Variants in PSG4 observed in about 807,000 individuals in gnomAD.
PSG4 encodes pregnancy-specific beta-1-glycoprotein 4.
Under a neutral mutation model 44.3 loss-of-function variants are expected in PSG4, and 61 were observed. That is an observed-to-expected ratio of 1.38 (90% CI 1.12 to 1.70). The LOEUF (loss-of-function observed/expected upper bound fraction) is 1.70. Among genes scored for constraint, PSG4 ranks in the 40% most tolerant of loss-of-function variants. The pLI is 0.00. For synonymous variants in PSG4, 248 were observed against 191.3 expected, an observed-to-expected ratio of 1.30 and a Z score of -2.45; for missense variants, 677 against 511.7, an observed-to-expected ratio of 1.32 and a Z score of -3.12.
rs528483691 is a variant in PSG4, at chr19:43,198,129, A to G, written c.577T>C (p.Leu193=). Residue 193 remains leucine, a synonymous_variant, in exon 3 of 6, where the codon TTG becomes CTG. Transcript: ENST00000405312. ...GTCCTGTTGGTTTTGGACAGCTGCAACCTGTGAGTCATAGGGAGGCTCTGA... is the reference window on the plus strand; with the variant it reads ...GTCCTGTTGGTTTTGGACAGCTGCAGCCTGTGAGTCATAGGGAGGCTCTGA... The part of the protein sequence containing the change: ...NGQSLPMTHR[L]QLSKTNRTLF... The G allele has an allele frequency of 2.5e-6, 4 of 1,587,592 alleles. No homozygotes were observed. In the African/African-American group the frequency reaches 5.8e-5, roughly 23 times the overall value.
rs1227211069 is a variant in PSG4, at chr19:43,201,054, T to A, written c.431-2779A>T. On this transcript the variant is annotated intron_variant, in intron 2 of 5. Coordinates refer to ENST00000405312, the MANE Select transcript of PSG4 (RefSeq NM_002780.5). ...ATACAGGAGAAATGAGTCCATGTGCTTTGGGGACTGCAGGCCTGTCCAGCC... is the reference window on the plus strand; with the variant it reads ...ATACAGGAGAAATGAGTCCATGTGCATTGGGGACTGCAGGCCTGTCCAGCC... Among the ~76,000 whole-genome samples the A allele has an allele frequency of 2.7e-5, 4 of 145,528 alleles. 1 individual carries two copies. Among genetic ancestry groups the A allele is most frequent in the African/African-American group, 7.9e-5 (3 of 37,964 alleles).
Position 43,198,217 on chromosome 19 carries a change from C to T in PSG4, c.489G>A (p.Glu163=). The T allele has an allele frequency of 6.3e-7, 1 of 1,587,484 alleles. No individual in the cohort carries two copies. Among genetic ancestry groups the T allele is most frequent in the Non-Finnish European group, 8.5e-7 (1 of 1,171,764 alleles). ...CAGGATCACAGGTTAAGATCACAGC[C>T]TCCATGGCCTCCCTGGGATTTAAGT... ...SSNLNPREAM[E]AVILTCDPAT... Residue 163 remains glutamate, a synonymous_variant, in exon 3 of 6, where the codon GAG becomes GAA. Coordinates refer to ENST00000405312, the MANE Select transcript of PSG4 (RefSeq NM_002780.5).
chr19:43,193,728 C>T, intron 5 of PSG4: 1 of 539,768 alleles, frequency 1.9e-6, no homozygotes, highest in Non-Finnish European at 3.3e-6. Flanking sequence ...ACTTTGCCTG[C>T]AGTTCATATT....
Position 43,197,944 on chromosome 19 carries a change from C to G in PSG4, c.709+53G>C. 1.3e-6 allele frequency: 2 copies of G among 1,565,454 alleles called. 1 individual carries two copies. The highest frequency in any genetic ancestry group is 3.1e-5 in the African/African-American group (2 of 63,762). On this transcript the variant is annotated intron_variant, in intron 3 of 5. Coordinates refer to ENST00000405312, the MANE Select transcript of PSG4 (RefSeq NM_002780.5). ...AGGGACTGAGAGGCCTGGCCTCTGG[C>G]CATGTGTATTTGGGATGGCAGCCTG...
At chr19:43,204,357 C>G in intron 1 of PSG4, 106 bp from the exon 2 acceptor site, 1 of 1,338,578 alleles carries the variant, frequency 7.5e-7, no homozygotes, top group South Asian at 1.4e-5. Context: ...GACACACAAA[C>G]ACACACATAC....
At chr19:43,199,148 A>G (rs1389490284) in intron 2 of PSG4, among the ~76,000 whole-genome samples, 2 of 146,052 alleles carry the variant, frequency 1.4e-5, no homozygotes, top group Non-Finnish European at 3.0e-5. Flanking sequence ...GCCCTCATGG[A>G]CCATATGCGT....
rs1329117503 is a variant in PSG4, at chr19:43,204,823, G to C, written c.65-572C>G. ...TTCTCAGGGTCTCCACCCTCTGGAT[G>C]TTTCTTTTTCCCCCCAATTGTTGAG... On this transcript the variant is annotated intron_variant, in intron 1 of 5. Transcript: ENST00000405312. 3 of 356,022 alleles carry C rather than the reference G, an allele frequency of 8.4e-6. 1 individual carries two copies. Among genetic ancestry groups the C allele is most frequent in the Non-Finnish European group, 1.6e-5 (3 of 185,978 alleles). The allele number at this position is 356,022 out of a possible 1,614,324, so 22.1% of individuals were successfully genotyped here.
chr19:43,204,087 G>A lies in PSG4; in HGVS notation c.229C>T (p.His77Tyr). Residue 77 changes from histidine (H) to tyrosine (Y), a missense_variant, in exon 2 of 6, where the codon CAT (histidine) becomes TAT (tyrosine). Physicochemically the swap from His to Tyr is moderately conservative, Grantham distance 83. Transcript: ENST00000405312. ...WYKGQMTYLY[H>Y]YITSYVVDGQ... ...TCTACTACATATGATGTAATGTAAT[G>A]GTAGAGGTATGTCATTTGCCCTTTG... 1 of 1,586,310 alleles carries A rather than the reference G, an allele frequency of 6.3e-7. No homozygotes were observed. Among genetic ancestry groups the A allele is most frequent in the Non-Finnish European group, 8.5e-7 (1 of 1,170,764 alleles).
chr19:43,197,413 A>G (rs1309457631), intron 3 of PSG4, among the ~76,000 whole-genome samples: 1 of 144,872 alleles, frequency 6.9e-6, no homozygotes, highest in Non-Finnish European at 1.5e-5. Context: ...ACAGACCTAA[A>G]CCCCTCTATA....
rs570723981 is a variant in PSG4, at chr19:43,199,040, T to G, written c.431-765A>C. ...CTCGCTTCCCCCTGTAGAGGGCAGG[T>G]GAGGACCATGTGGATCTTTCTAGAA... On this transcript the variant is annotated intron_variant, in intron 2 of 5. Transcript: ENST00000405312. 6 of 146,414 alleles carry G rather than the reference T, an allele frequency of 4.1e-5. 2 individuals carry two copies. The East Asian group carries it at 1.4e-3, about 34-fold the overall frequency. 9.1% of individuals were successfully genotyped at this position (146,414 alleles called of 1,614,324 possible).
chr19:43,194,934 G>T (rs1967170343), intron 4 of PSG4, 61 bp downstream of exon 4: 4 of 1,593,474 alleles, frequency 2.5e-6, no homozygotes, highest in Admixed American at 1.7e-5. Flanking sequence ...GAGAGACCTG[G>T]CCTCTGGTGG....
At chr19:43,199,930 T>G (rs1967428199) in intron 2 of PSG4, among the ~76,000 whole-genome samples, 1 of 143,836 alleles carries the variant, frequency 7.0e-6, no homozygotes, top group African/African-American at 2.7e-5. Context: ...GTAGAGAGAG[T>G]CCCATTAAAA....
intron 1 of PSG4, chr19:43,204,462 A>C (rs1191018248): frequency 1.4e-6 from 1 of 714,972 alleles, no homozygotes; most frequent in Non-Finnish European, 2.1e-6. Flanking sequence ...CATTCCTTCA[A>C]CACTTCTGAC....
intron 2 of PSG4, among the ~76,000 whole-genome samples, chr19:43,201,707 C>A (rs1267439322): frequency 6.9e-6 from 1 of 145,572 alleles, no homozygotes; most frequent in Non-Finnish European, 1.5e-5. Flanking sequence ...AATCTCTAAC[C>A]CCTGCTCCAC....
intron 1 of PSG4, 98 bp downstream of exon 1, chr19:43,205,375 G>C: frequency 7.4e-7 from 1 of 1,344,512 alleles, no homozygotes; most frequent in Non-Finnish European, 1.0e-6. Flanking sequence ...CCAAAGTGCT[G>C]GCTTCTTTCA....
chr19:43,195,205 A>G lies in PSG4; in HGVS notation c.778T>C (p.Phe260Leu). Reference protein sequence around the residue: ...NPRENKDVLTFTCEPKSKNYT... With the variant: ...NPRENKDVLTLTCEPKSKNYT... ...TTCTTACTCTTAGGTTCACAGGTGA[A>G]GGTTAAGACATCCTTATTCTCTCTG... is the stretch of plus-strand genomic sequence containing the variant. Residue 260 changes from phenylalanine (F) to leucine (L), a missense_variant, in exon 4 of 6, where the codon TTC becomes CTC. Phe to Leu is a conservative substitution (Grantham distance 22, BLOSUM62 0). Coordinates refer to ENST00000405312, the MANE Select transcript of PSG4 (RefSeq NM_002780.5). The G allele has an allele frequency of 1.2e-6, 2 of 1,610,336 alleles. No homozygotes were observed. Among genetic ancestry groups the G allele is most frequent in the Non-Finnish European group, 1.7e-6 (2 of 1,179,016 alleles).
At position 43,193,359 on chromosome 19, in the gene PSG4, G is replaced by T. The variant is rs773929489; in HGVS notation, c.*13C>A. 1.3e-6 allele frequency: 1 copy of T among 774,908 alleles called. No individual in the cohort carries two copies. Among genetic ancestry groups the T allele is most frequent in the Non-Finnish European group, 2.4e-6 (1 of 417,602 alleles). The allele number at this position is 774,908 out of a possible 1,614,324, so 48.0% of individuals were successfully genotyped here. A position where few individuals can be genotyped will look rare whatever the true frequency, so the allele number is the denominator to read the frequency against. ...TCCATGGGAGAAAATGGAATTGGAG[G>T]AACTAGTAGAATTCAGGGTAATATC... On this transcript the variant is annotated 3_prime_UTR_variant, in exon 6 of 6. Transcript: ENST00000405312.
Position 43,193,059 on chromosome 19 carries a change from G to A in PSG4, c.*313C>T, listed in dbSNP as rs1199036126. On this transcript the variant is annotated 3_prime_UTR_variant, in exon 6 of 6. Transcript: ENST00000405312. Reference sequence around the variant, plus strand: ...TGCATTATCCTGCCAAGTGAAAGAGGCAGGCATGAGCAAGGACGGTTAAGA... The same window carrying A: ...TGCATTATCCTGCCAAGTGAAAGAGACAGGCATGAGCAAGGACGGTTAAGA... 2 of 590,678 alleles carry A rather than the reference G, an allele frequency of 3.4e-6. No homozygotes were observed. Among genetic ancestry groups the A allele is most frequent in the East Asian group, 2.8e-5 (1 of 36,262 alleles). The allele number at this position is 590,678 out of a possible 1,614,324, so 36.6% of individuals were successfully genotyped here.
At position 43,194,334 on chromosome 19, in the gene PSG4, A is replaced by T. The variant is rs199873727; in HGVS notation, c.1243+6T>A. The T allele has an allele frequency of 1.2e-6, 2 of 1,612,216 alleles. No homozygotes were observed. Among genetic ancestry groups the T allele is most frequent in the African/African-American group, 2.7e-5 (2 of 74,544 alleles). ...CCTATTGCCAAGGATGCTGGGATCC[A>T]CTTACCAGAGACTTTGACTGTGATG... On this transcript the variant is annotated splice_donor_region_variant and intron_variant, in intron 5 of 5. Coordinates refer to ENST00000405312, the MANE Select transcript of PSG4 (RefSeq NM_002780.5).
Sources: gnomAD v4.1 joint callset for allele counts (sites outside exome capture counted in the v4.1 genomes callset) on GRCh38, gnomAD v4.1.1 for gene constraint, MANE v1.5 for transcripts, NCBI Gene and HGNC (gene_info 2026-07-23, HGNC 2026-07-21) for gene names.